Variants in MAN1B1 observed in about 807,000 individuals in gnomAD.
MAN1B1 encodes mannosidase alpha class 1B member 1.
MAN1B1 carries 66 observed loss-of-function variants against 75.5 expected under a neutral mutation model. The ratio of observed to expected loss-of-function variants is 0.87; its 90% confidence interval spans 0.72 to 1.07. The LOEUF (loss-of-function observed/expected upper bound fraction) is 1.07, where lower values mean the gene tolerates loss of function less well. Among genes scored for constraint, MAN1B1 ranks in the 50% least tolerant of loss-of-function variants. The pLI is 0.00. For synonymous variants in MAN1B1, 453 were observed against 382.8 expected (o/e 1.18, Z -2.14); for missense variants, 973 against 912.5 (o/e 1.07, Z -0.85).
At position 137,106,828 on chromosome 9, in the gene MAN1B1, C is replaced by A. The variant is rs780556176; in HGVS notation, c.1566+19C>A. 6.8e-6 allele frequency: 11 copies of A among 1,611,520 alleles called. No individual in the cohort carries two copies. The highest frequency in any genetic ancestry group is 1.7e-5 in the Admixed American group (1 of 59,982). Reference sequence around the variant, plus strand: ...CAAGATGGTGAGTGTGTCTGCGGGGCCTTCCGGCCGCCGCCCCTTTTACCT... The same window carrying A: ...CAAGATGGTGAGTGTGTCTGCGGGGACTTCCGGCCGCCGCCCCTTTTACCT... On this transcript the variant is annotated intron_variant, in intron 10 of 12. Transcript: ENST00000371589.
chr9:137,093,308 G>A (rs1369992417), intron 3 of MAN1B1, among the ~76,000 whole-genome samples: 1 of 152,160 alleles, frequency 6.6e-6, no homozygotes, highest in African/African-American at 2.4e-5. Context: ...GCCTGAACTG[G>A]GAGGTGGAGG....
At chr9:137,105,932 G>A in intron 8 of MAN1B1, 193 bp from the exon 9 acceptor site, 1 of 697,284 alleles carries the variant, frequency 1.4e-6, no homozygotes, top group Non-Finnish European at 2.6e-6. Flanking sequence ...TTGCACTGGT[G>A]GCTGTGTGGC....
At chr9:137,092,615 G>A (rs940542350) in intron 3 of MAN1B1, among the ~76,000 whole-genome samples, 2 of 152,152 alleles carry the variant, frequency 1.3e-5, no homozygotes, top group East Asian at 1.9e-4. Context: ...TCCGTTGTAC[G>A]TAAACTATTA....
At chr9:137,101,399 G>A (rs1242677737) in intron 7 of MAN1B1, 85 bp from the exon 8 acceptor site, 26 of 1,350,492 alleles carry the variant, frequency 1.9e-5, no homozygotes, top group Non-Finnish European at 2.6e-5. Context: ...AGAGCCTTCA[G>A]TGTCTCCACT....
rs12000048 is a variant in MAN1B1, at chr9:137,107,396, C to G, written c.1713C>G (p.Ile571Met). ...RQMETGLSPE[I>M]VHFNLYPQPG... ...TGGAGACGGGGCTGAGTCCCGAGAT[C>G]GTGCACTTCAACCTTTACCCCCAGC... The change falls in exon 11 of 13, where the codon ATC (isoleucine) becomes ATG (methionine). Residue 571 changes from isoleucine to methionine, a missense_variant. Ile to Met is a conservative substitution (Grantham distance 10). Coordinates refer to ENST00000371589, the MANE Select transcript of MAN1B1 (RefSeq NM_016219.5). 33 of 1,613,322 alleles carry G rather than the reference C, an allele frequency of 2.0e-5. No individual in the cohort carries two copies. Among genetic ancestry groups the G allele is most frequent in the Non-Finnish European group, 2.6e-5 (31 of 1,180,000 alleles).
rs368194212 is a variant in MAN1B1 at position 137,106,824 on chromosome 9, G to A, written c.1566+15G>A. 5.0e-5 allele frequency: 80 copies of A among 1,611,928 alleles called. No homozygotes were observed. In the African/African-American group the frequency reaches 5.5e-4, roughly 11 times the overall value. On this transcript the variant is annotated intron_variant, in intron 10 of 12. Transcript: ENST00000371589. ...GTGCCAAGATGGTGAGTGTGTCTGC[G>A]GGGCCTTCCGGCCGCCGCCCCTTTT...
rs1450470729 is a variant in MAN1B1 at position 137,088,886 on chromosome 9, G to C, written c.346G>C (p.Glu116Gln). ...TTATTCAGCTCTGGCTTTCAGGCTA[G>C]AGGAAGAGCAGAAGATGAGGCCAGA... Reference protein sequence around the residue: ...DHWKALAFRLEEEQKMRPEIA... With the variant: ...DHWKALAFRLQEEQKMRPEIA... The change falls in exon 3 of 13, where the codon GAG becomes CAG. Residue 116 changes from glutamate (E) to glutamine (Q), a missense_variant. Physicochemically the swap from Glu to Gln is conservative, Grantham distance 29 (BLOSUM62 2). Transcript: ENST00000371589. 2 of 1,613,866 alleles carry C rather than the reference G, an allele frequency of 1.2e-6. No individual in the cohort carries two copies. Among genetic ancestry groups the C allele is most frequent in the Non-Finnish European group, 8.5e-7 (1 of 1,180,036 alleles).
rs1831209071 is a variant in MAN1B1 at position 137,108,731 on chromosome 9, C to T, written c.*140C>T. 1 of 798,586 alleles carries T rather than the reference C, an allele frequency of 1.3e-6. No homozygotes were observed. Among genetic ancestry groups the T allele is most frequent in the Non-Finnish European group, 2.2e-6 (1 of 462,408 alleles). The allele number at this position is 798,586 out of a possible 1,614,324, so 49.5% of individuals were successfully genotyped here. On this transcript the variant is annotated 3_prime_UTR_variant, in exon 13 of 13. Transcript: ENST00000371589. ...ACTGGCTCTGGGCTCCTCCTCGTCT[C>T]TGCTTTAATCAGGACACCGTGAGGA...
At chr9:137,106,526 G>T in intron 9 of MAN1B1, 163 bp from the exon 10 acceptor site, 1 of 1,190,796 alleles carries the variant, frequency 8.4e-7, no homozygotes, top group Non-Finnish European at 1.2e-6. Context: ...GGGGTGAGGG[G>T]GGCATCTTCA....
At chr9:137,107,708 A>G (rs761773641) in intron 12 of MAN1B1, 46 bp downstream of exon 12, 2 of 1,610,428 alleles carry the variant, frequency 1.2e-6, no homozygotes, top group Admixed American at 1.7e-5. Flanking sequence ...ACCGGGCCAC[A>G]GGCACGGCTG....
intron 8 of MAN1B1, chr9:137,105,546 C>T (rs1831063723): frequency 3.6e-6 from 1 of 276,958 alleles, no homozygotes; most frequent in Admixed American, 5.3e-5. Context: ...GGGTAGAGAC[C>T]CGGAGCGCCC....
At chr9:137,094,627 C>T (rs938244947) in intron 3 of MAN1B1, among the ~76,000 whole-genome samples, 7 of 151,792 alleles carry the variant, frequency 4.6e-5, no homozygotes, top group African/African-American at 1.5e-4. Context: ...GCCTGTAATC[C>T]CAGCGCTTTG....
chr9:137,099,570 CG>C, intron 5 of MAN1B1, 125 bp from the exon 6 acceptor site: 1 of 1,038,830 alleles, frequency 9.6e-7, no homozygotes. Context: ...CCGCCCTTCC[CG>C]TCGTCCCAAA....
chr9:137,100,906 CA>C, intron 6 of MAN1B1, 98 bp from the exon 7 acceptor site: 1 of 1,386,578 alleles, frequency 7.2e-7, no homozygotes, highest in East Asian at 2.3e-5. Flanking sequence ...AGGCATGAGC[CA>C]CCACGCCCAG....
Position 137,087,014 on chromosome 9 carries a change from G to A in MAN1B1, c.15G>A (p.Glu5=), listed in dbSNP as rs371734726. The A allele has an allele frequency of 3.9e-4, 625 of 1,598,678 alleles. No individual in the cohort carries two copies. Among genetic ancestry groups the A allele is most frequent in the Non-Finnish European group, 5.1e-4 (594 of 1,174,700 alleles). The change falls in exon 1 of 13, where the codon GAG becomes GAA. Residue 5 remains glutamate (E), a synonymous_variant. Transcript: ENST00000371589. ...ACGGCGCTGCGATGGCTGCCTGCGA[G>A]GGCAGGAGAAGCGGAGCTCTCGGTT... MAAC[E]GRRSGALGSS... is the part of the protein sequence containing the mutation.
At chr9:137,102,120 C>A (rs930920499) in intron 8 of MAN1B1, 33 of 450,400 alleles carry the variant, frequency 7.3e-5, no homozygotes, top group Non-Finnish European at 1.4e-4. Flanking sequence ...GGTGGTGTTA[C>A]ATTCACGCTG....
At position 137,106,795 on chromosome 9, in the gene MAN1B1, T is replaced by G. The variant is rs1411461756; in HGVS notation, c.1552T>G (p.Phe518Val). 3.7e-6 allele frequency: 6 copies of G among 1,613,340 alleles called. No homozygotes were observed. Among genetic ancestry groups the G allele is most frequent in the Non-Finnish European group, 4.2e-6 (5 of 1,179,956 alleles). Residue 518 changes from phenylalanine to valine, a missense_variant, in exon 10 of 13, where the codon TTC (phenylalanine) becomes GTC (valine). Coordinates refer to ENST00000371589, the MANE Select transcript of MAN1B1 (RefSeq NM_016219.5). ...TFVGELAHGR[F>V]SAKMDHLVCF... ...TGTGGGGGAGCTTGCCCACGGCCGC[T>G]TCAGTGCCAAGATGGTGAGTGTGTC...
At chr9:137,100,336 G>A (rs983299959) in intron 6 of MAN1B1, among the ~76,000 whole-genome samples, 3 of 152,210 alleles carry the variant, frequency 2.0e-5, no homozygotes, top group East Asian at 1.9e-4. Context: ...ACCAGTAAAC[G>A]ACGTGTGTAA....
At chr9:137,102,656 G>A in intron 8 of MAN1B1, 1 of 452,182 alleles carries the variant, frequency 2.2e-6, no homozygotes, top group Admixed American at 2.4e-5. Flanking sequence ...TGGCGTGCAG[G>A]TCGGTGGTGT....
Sources: gnomAD v4.1 joint callset for allele counts (sites outside exome capture counted in the v4.1 genomes callset) on GRCh38, gnomAD v4.1.1 for gene constraint, MANE v1.5 for transcripts, NCBI Gene and HGNC (gene_info 2026-07-23, HGNC 2026-07-21) for gene names.